The following RFX4 variants were observed in gnomAD, a reference collection of about 807,000 sequenced individuals.
The protein encoded by RFX4 is transcription factor RFX4.
In RFX4, 10 loss-of-function variants were observed where a neutral mutation model predicts 95.0. The ratio of observed to expected loss-of-function variants is 0.11; its 90% CI spans 0.06 to 0.18. RFX4 has a LOEUF of 0.18. Among genes scored for constraint, RFX4 ranks in the 10% least tolerant of loss-of-function variants. RFX4 has a pLI of 1.00. For missense variants in RFX4, 640 were observed against 922.0 expected, an observed-to-expected ratio of 0.69 and a Z score of 3.96; for synonymous variants, 321 against 340.7, an observed-to-expected ratio of 0.94 and a Z score of 0.64.
At chr12:106,584,489 T>C (rs750063735) in intron 1 of RFX4, among the ~76,000 whole-genome samples, 1 of 152,148 alleles carries the variant, frequency 6.6e-6, no homozygotes, top group Non-Finnish European at 1.5e-5. Flanking sequence ...TGCTGAGCAT[T>C]GCAGCGCGGA....
intron 13 of RFX4, among the ~76,000 whole-genome samples, chr12:106,723,777 G>A (rs779731713): frequency 3.9e-5 from 6 of 152,090 alleles, no homozygotes; most frequent in African/African-American, 1.2e-4. Context: ...CTTAATGTTC[G>A]CAATGTCATT....
chr12:106,750,584 T>G, intron 16 of RFX4, 71 bp from the exon 17 acceptor site: 1 of 1,316,910 alleles, frequency 7.6e-7, no homozygotes, highest in South Asian at 2.6e-5. Flanking sequence ...TAGATGAGGT[T>G]TTTAAAAAGG....
chr12:106,713,468 T>C (rs1565991247), intron 10 of RFX4, among the ~76,000 whole-genome samples: 1 of 152,200 alleles, frequency 6.6e-6, no homozygotes, highest in African/African-American at 2.4e-5. Flanking sequence ...CCTATGTAGA[T>C]AAAGTGGTCA....
At chr12:106,689,195 G>A in intron 6 of RFX4, 92 bp from the exon 7 acceptor site, 1 of 1,069,262 alleles carries the variant, frequency 9.4e-7, no homozygotes, top group Non-Finnish European at 1.5e-6. Context: ...CCCCCCACAG[G>A]GAAGAAATGA....
At chr12:106,671,630 C>T (rs185013758) in intron 4 of RFX4, among the ~76,000 whole-genome samples, 1 of 152,222 alleles carries the variant, frequency 6.6e-6, no homozygotes, top group African/African-American at 2.4e-5. Flanking sequence ...TCATCATACT[C>T]TCTTCCAGTG....
chr12:106,733,336 G>A (rs985527833), intron 15 of RFX4: 5 of 352,234 alleles, frequency 1.4e-5, no homozygotes, highest in Non-Finnish European at 2.6e-5. Context: ...GAAAAACAGG[G>A]CTTTCTGGAA....
chr12:106,700,628 G>C (rs917466174), intron 8 of RFX4, among the ~76,000 whole-genome samples: 1 of 150,628 alleles, frequency 6.6e-6, no homozygotes. Context: ...GGATGGTCTC[G>C]ATCTCCTGAC....
At chr12:106,596,531 G>A (rs896820589) in intron 1 of RFX4, among the ~76,000 whole-genome samples, 1 of 152,180 alleles carries the variant, frequency 6.6e-6, no homozygotes, top group African/African-American at 2.4e-5. Context: ...AGTCTTTTGA[G>A]GCAATATCTC....
At chr12:106,616,188 A>C (rs2040069135) in intron 2 of RFX4, among the ~76,000 whole-genome samples, 1 of 152,218 alleles carries the variant, frequency 6.6e-6, no homozygotes. Flanking sequence ...AATTTTATCA[A>C]ACACTTTTTC....
At chr12:106,635,212 G>A (rs942838988) in intron 2 of RFX4, among the ~76,000 whole-genome samples, 1 of 152,104 alleles carries the variant, frequency 6.6e-6, no homozygotes, top group Non-Finnish European at 1.5e-5. Flanking sequence ...GTAAAACCCC[G>A]CCAGTTTTAG....
intron 3 of RFX4, among the ~76,000 whole-genome samples, chr12:106,643,353 A>G (rs143061432): frequency 2.2e-3 from 340 of 152,274 alleles, no homozygotes; most frequent in Non-Finnish European, 4.2e-3. Flanking sequence ...CATAGCACAC[A>G]TGGAGGAGAA....
intron 16 of RFX4, 146 bp downstream of exon 16, chr12:106,747,745 T>G: frequency 1.3e-6 from 1 of 777,516 alleles, no homozygotes; most frequent in East Asian, 2.7e-5. Context: ...CTGGCCAACG[T>G]GGTGAAACCC....
At chr12:106,652,152 T>C (rs1216639436) in intron 3 of RFX4, among the ~76,000 whole-genome samples, 2 of 152,192 alleles carry the variant, frequency 1.3e-5, no homozygotes, top group Admixed American at 6.5e-5. Context: ...GAATTCCAAT[T>C]TATGATGTCA....
At chr12:106,626,603 G>A (rs2040305623) in intron 2 of RFX4, among the ~76,000 whole-genome samples, 1 of 152,110 alleles carries the variant, frequency 6.6e-6, no homozygotes, top group South Asian at 2.1e-4. Flanking sequence ...GAAGGTTGGC[G>A]TGGAGGTTCT....
intron 1 of RFX4, among the ~76,000 whole-genome samples, chr12:106,600,588 T>G (rs1414789340): frequency 6.6e-6 from 1 of 152,186 alleles, no homozygotes; most frequent in African/African-American, 2.4e-5. Flanking sequence ...GGGTTACCCT[T>G]TCTGAGCCAG....
chr12:106,609,411 T>C (rs2039909569), intron 2 of RFX4, among the ~76,000 whole-genome samples: 1 of 152,230 alleles, frequency 6.6e-6, no homozygotes, highest in African/African-American at 2.4e-5. Flanking sequence ...GGGTGCTATA[T>C]TAAGAGCAGT....
intron 1 of RFX4, among the ~76,000 whole-genome samples, chr12:106,587,953 T>C (rs2039486439): frequency 1.3e-5 from 2 of 152,204 alleles, no homozygotes; most frequent in South Asian, 4.1e-4. Flanking sequence ...CCACTTGTAA[T>C]ATGACTTTAG....
At chr12:106,754,916 T>G (rs1424121685) in intron 17 of RFX4, among the ~76,000 whole-genome samples, 1 of 152,206 alleles carries the variant, frequency 6.6e-6, no homozygotes, top group East Asian at 1.9e-4. Context: ...TGGGAAGAAA[T>G]TAATTATATC....
intron 7 of RFX4, among the ~76,000 whole-genome samples, chr12:106,694,195 T>C (rs569007251): frequency 6.6e-6 from 1 of 152,336 alleles, no homozygotes; most frequent in Admixed American, 6.5e-5. Flanking sequence ...ACTACGATCA[T>C]GTTTTCGGCA....
Sources: gnomAD v4.1 joint callset for allele counts (sites outside exome capture counted in the v4.1 genomes callset) on GRCh38, gnomAD v4.1.1 for gene constraint, MANE v1.5 for transcripts, NCBI Gene and HGNC (gene_info 2026-07-23, HGNC 2026-07-21) for gene names.